The following WTIP variants were observed in gnomAD, a reference collection of about 807,000 sequenced individuals.
WTIP encodes the protein WT1 interacting protein, also known as Wilms tumor protein 1-interacting protein.
In WTIP, 23 loss-of-function variants were observed where a neutral mutation model predicts 41.7. The ratio of observed to expected loss-of-function variants is 0.55; its 90% CI spans 0.40 to 0.78. WTIP has a LOEUF of 0.78. WTIP is among the 30% of genes least tolerant of loss of function. The pLI, the probability that WTIP is intolerant of heterozygous loss-of-function variation, is 0.00. For missense variants in WTIP, 619 were observed against 610.5 expected, an observed-to-expected ratio of 1.01 and a Z score of -0.15; for synonymous variants, 314 against 269.9, an observed-to-expected ratio of 1.16 and a Z score of -1.60.
Position 34,482,363 on chromosome 19 carries a change from C to A in WTIP, c.389C>A (p.Pro130His). 1 of 1,383,168 alleles carries A rather than the reference C, an allele frequency of 7.2e-7. No individual in the cohort carries two copies. 85.7% of individuals were successfully genotyped at this position (1,383,168 alleles called of 1,614,324 possible). ...CGCTCCGGTCGCTCGGACCCGCGTC[C>A]CGGTCCCGGGCCGCCTTCGGTGGGC... is the stretch of plus-strand genomic sequence containing the variant. ...SPRSGRSDPR[P>H]GPGPPSVGSA... is the part of the protein sequence containing the mutation. The change falls in exon 1 of 8, where the codon CCC (proline) becomes CAC (histidine). Residue 130 changes from proline (P) to histidine (H), a missense_variant. Physicochemically the swap from Pro to His is moderately conservative, Grantham distance 77 (BLOSUM62 -2). Coordinates refer to ENST00000590071, the MANE Select transcript of WTIP (RefSeq NM_001080436.2).
rs897903527 is a variant in WTIP at position 34,511,295 on chromosome 19, G to A, written c.*11026G>A. 6.6e-6 allele frequency: 1 copy of A among 152,144 alleles called. No homozygotes were observed. The highest frequency in any genetic ancestry group is 1.5e-5 in the Non-Finnish European group (1 of 68,046). 9.4% of individuals were successfully genotyped at this position (152,144 alleles called of 1,614,324 possible). ...AAGCGGAAACCCTCGATAAAACCATGAGATCTCGTGAGACATATTCACTAC... is the reference window on the plus strand; with the variant it reads ...AAGCGGAAACCCTCGATAAAACCATAAGATCTCGTGAGACATATTCACTAC... On this transcript the variant is annotated 3_prime_UTR_variant, in exon 8 of 8. Transcript: ENST00000590071.
intron 1 of WTIP, among the ~76,000 whole-genome samples, chr19:34,487,844 A>T (rs2075805454): frequency 6.6e-6 from 1 of 152,128 alleles, no homozygotes; most frequent in African/African-American, 2.4e-5. Context: ...GCCCTGGGTG[A>T]CCCTGTAAAG....
chr19:34,491,811 A>AT (rs1241203503), intron 2 of WTIP, among the ~76,000 whole-genome samples: 2 of 151,216 alleles, frequency 1.3e-5, no homozygotes, highest in Non-Finnish European at 2.9e-5. Flanking sequence ...CGCCCGGCTA[A>AT]TTTTTTGTAT....
rs1290585752 is a variant in WTIP at position 34,493,217 on chromosome 19, G to A, written c.838-46G>A. The A allele has an allele frequency of 6.2e-7, 1 of 1,613,272 alleles. No individual in the cohort carries two copies. ...GAGGCAGGTGCTAGCTGGGCCGCGA[G>A]TGCCCCTTTGTCACACAATGTCCTG... is the stretch of plus-strand genomic sequence containing the variant. On this transcript the variant is annotated intron_variant, in intron 3 of 7. Coordinates refer to ENST00000590071, the MANE Select transcript of WTIP (RefSeq NM_001080436.2). This position sits in a 1 kb window ranked among gnomAD's most constrained non-coding sequence, Gnocchi z 4.1.
chr19:34,496,985 C>T (rs1450502260), intron 7 of WTIP, among the ~76,000 whole-genome samples: 1 of 152,174 alleles, frequency 6.6e-6, no homozygotes, highest in Non-Finnish European at 1.5e-5. Flanking sequence ...GCCTCAGCCT[C>T]CTGAGTAGCT....
At chr19:34,485,996 A>G (rs2075795254) in intron 1 of WTIP, among the ~76,000 whole-genome samples, 1 of 151,816 alleles carries the variant, frequency 6.6e-6, no homozygotes, top group East Asian at 1.9e-4. Context: ...TGTCTTTGGA[A>G]CTTTCCCCTC....
Position 34,500,444 on chromosome 19 carries a change from C to A in WTIP, c.*175C>A. On this transcript the variant is annotated 3_prime_UTR_variant, in exon 8 of 8. Transcript: ENST00000590071. Reference sequence around the variant, plus strand: ...TCTATTTATTCACCGTCTGTGCCTGCTCAAGTCACTTCCCTGCGGGCCCTG... The same window carrying A: ...TCTATTTATTCACCGTCTGTGCCTGATCAAGTCACTTCCCTGCGGGCCCTG... 1 of 920,426 alleles carries A rather than the reference C, an allele frequency of 1.1e-6. No homozygotes were observed. Among genetic ancestry groups the A allele is most frequent in the Non-Finnish European group, 1.5e-6 (1 of 649,150 alleles). The allele number at this position is 920,426 out of a possible 1,614,324, so 57.0% of individuals were successfully genotyped here. A position where few individuals can be genotyped will look rare whatever the true frequency, so the allele number is the denominator to read the frequency against.
At chr19:34,495,251 G>A (rs1164877860) in intron 6 of WTIP, among the ~76,000 whole-genome samples, 2 of 152,162 alleles carry the variant, frequency 1.3e-5, no homozygotes, top group Non-Finnish European at 2.9e-5. Flanking sequence ...TAAAAAATTA[G>A]CTGGGTGTGG....
chr19:34,493,742 C>CCCTTGG lies in WTIP; in HGVS notation c.1031+125_1031+126insGCCTTG. 7.3e-7 allele frequency: 1 copy of CCCTTGG among 1,372,880 alleles called. No individual in the cohort carries two copies. Among genetic ancestry groups the CCCTTGG allele is most frequent in the South Asian group, 1.3e-5 (1 of 76,772 alleles). The allele number at this position is 1,372,880 out of a possible 1,614,324, so 85.0% of individuals were successfully genotyped here. On this transcript the variant is annotated intron_variant, in intron 5 of 7. Transcript: ENST00000590071. This position sits in a 1 kb window ranked among gnomAD's most constrained non-coding sequence, Gnocchi z 4.1. ...TTCTTGGCCTTTTGCCTTCCGCCTC[C>CCCTTGG]CCTTGTACACCTGGGCTTGGGGCAG...
In WTIP at chr19:34,503,330, CTA is replaced by C. The variant is rs1568404606; in HGVS notation, c.*3063_*3064del. ...AGCCACTCTCCCGGGGTTTCTTCCT[CTA>C]TGAAGAAACCTTGGCCTCTATGAAG... On this transcript the variant is annotated 3_prime_UTR_variant, in exon 8 of 8. Transcript: ENST00000590071. 1 of 90,186 alleles carries C rather than the reference CTA, an allele frequency of 1.1e-5. No individual in the cohort carries two copies. Among genetic ancestry groups the C allele is most frequent in the South Asian group, 3.1e-4 (1 of 3,270 alleles). 5.6% of individuals were successfully genotyped at this position (90,186 alleles called of 1,614,324 possible).
Position 34,501,800 on chromosome 19 carries a change from C to T in WTIP, c.*1531C>T, listed in dbSNP as rs1393542522. ...AGGGAGCCTTAGCCAGGGACTTACACAGCGTGGAGAGCGCTGCATCTTAGA... is the reference window on the plus strand; with the variant it reads ...AGGGAGCCTTAGCCAGGGACTTACATAGCGTGGAGAGCGCTGCATCTTAGA... On this transcript the variant is annotated 3_prime_UTR_variant, in exon 8 of 8. Coordinates refer to ENST00000590071, the MANE Select transcript of WTIP (RefSeq NM_001080436.2). The T allele has an allele frequency of 6.6e-6, 1 of 152,510 alleles. No individual in the cohort carries two copies. The highest frequency in any genetic ancestry group is 1.5e-5 in the Non-Finnish European group (1 of 68,300). 9.4% of individuals were successfully genotyped at this position (152,510 alleles called of 1,614,324 possible). A position where few individuals can be genotyped will look rare whatever the true frequency, so the allele number is the denominator to read the frequency against.
chr19:34,503,188 G>C lies in WTIP; in HGVS notation c.*2919G>C, dbSNP rs569234436. 1 of 152,374 alleles carries C rather than the reference G, an allele frequency of 6.6e-6. No homozygotes were observed. Among genetic ancestry groups the C allele is most frequent in the Admixed American group, 6.5e-5 (1 of 15,306 alleles). 9.4% of individuals were successfully genotyped at this position (152,374 alleles called of 1,614,324 possible). A position where few individuals can be genotyped will look rare whatever the true frequency, so the allele number is the denominator to read the frequency against. On this transcript the variant is annotated 3_prime_UTR_variant, in exon 8 of 8. Coordinates refer to ENST00000590071, the MANE Select transcript of WTIP (RefSeq NM_001080436.2). ...GGCCCTTGGGGCAGTGGCCTCACCA[G>C]GCCACACTCTGCCCTTTCTTTCTGG...
chr19:34,482,358 G>A lies in WTIP; in HGVS notation c.384G>A (p.Pro128=). The stretch of plus-strand genomic sequence containing the variant: ...GCCCGCGCTCCGGTCGCTCGGACCC[G>A]CGTCCCGGTCCCGGGCCGCCTTCGG... The part of the protein sequence containing the change: ...HGSPRSGRSD[P]RPGPGPPSVG... The change falls in exon 1 of 8, where the codon CCG becomes CCA. Residue 128 remains proline (P), a synonymous_variant. Transcript: ENST00000590071. The A allele has an allele frequency of 7.2e-7, 1 of 1,383,372 alleles. No individual in the cohort carries two copies. Among genetic ancestry groups the A allele is most frequent in the African/African-American group, 1.5e-5 (1 of 65,676 alleles). The allele number at this position is 1,383,372 out of a possible 1,614,324, so 85.7% of individuals were successfully genotyped here. A position where few individuals can be genotyped will look rare whatever the true frequency, so the allele number is the denominator to read the frequency against.
At chr19:34,495,610 G>A (rs1321407589) in intron 6 of WTIP, 93 bp from the exon 7 acceptor site, 4 of 1,462,010 alleles carry the variant, frequency 2.7e-6, no homozygotes, top group Middle Eastern at 1.7e-4. Context: ...ACCTCCGCCG[G>A]GACAGGAGCG....
In WTIP at chr19:34,493,261, A is replaced by G. The variant is rs1313495974; in HGVS notation, c.838-2A>G. The G allele has an allele frequency of 1.9e-6, 3 of 1,613,472 alleles. No homozygotes were observed. Among genetic ancestry groups the G allele is most frequent in the Non-Finnish European group, 2.5e-6 (3 of 1,179,784 alleles). On this transcript the variant is annotated splice_acceptor_variant, in intron 3 of 7. Transcript: ENST00000590071. LOFTEE classifies it high-confidence loss of function. This position sits in a 1 kb window ranked among gnomAD's most constrained non-coding sequence, Gnocchi z 4.1. ...TGTCCTGGATCCTGTGTCCCCTCCCAGTACTCCGGGTTCCAGCAGACGGCC... is the reference window on the plus strand; with the variant it reads ...TGTCCTGGATCCTGTGTCCCCTCCCGGTACTCCGGGTTCCAGCAGACGGCC...
Position 34,500,587 on chromosome 19 carries a change from G to T in WTIP, c.*318G>T. The T allele has an allele frequency of 3.4e-6, 1 of 293,380 alleles. No homozygotes were observed. Among genetic ancestry groups the T allele is most frequent in the Non-Finnish European group, 6.3e-6 (1 of 158,656 alleles). 18.2% of individuals were successfully genotyped at this position (293,380 alleles called of 1,614,324 possible). A position where few individuals can be genotyped will look rare whatever the true frequency, so the allele number is the denominator to read the frequency against. ...CCCCTGCCTTGGCCAGGGGTGCGAG[G>T]TGACCCGGCTGCATTGCTGGGTGGG... is the stretch of plus-strand genomic sequence containing the variant. On this transcript the variant is annotated 3_prime_UTR_variant, in exon 8 of 8. Coordinates refer to ENST00000590071, the MANE Select transcript of WTIP (RefSeq NM_001080436.2).
intron 1 of WTIP, among the ~76,000 whole-genome samples, chr19:34,483,183 CTTTTTTTTTTTT>C (rs10611262): frequency 1.9e-5 from 2 of 102,602 alleles, no homozygotes; most frequent in African/African-American, 7.1e-5. Context: ...CTTCTTCTTA[CTTTTTTTTTTTT>C]TTTTTTTTTG....
intron 1 of WTIP, among the ~76,000 whole-genome samples, chr19:34,489,819 A>G (rs775521757): frequency 6.6e-6 from 1 of 152,178 alleles, no homozygotes; most frequent in Non-Finnish European, 1.5e-5. Context: ...CAGAAGTCCT[A>G]GCTACTTGGG....
At position 34,500,134 on chromosome 19, in the gene WTIP, C is replaced by T. The variant is rs780001532; in HGVS notation, c.1158C>T (p.Cys386=). 3.8e-6 allele frequency: 6 copies of T among 1,599,506 alleles called. 1 individual carries two copies. Among genetic ancestry groups the T allele is most frequent in the South Asian group, 3.3e-5 (3 of 90,920 alleles). Residue 386 remains cysteine, a synonymous_variant, in exon 8 of 8, where the codon TGC becomes TGT. Transcript: ENST00000590071. ...GGGGCTGTGTTCTTCCCTAGGACTGCGGGCTGCAGCTGAGCGGGGAGGAGG... is the reference window on the plus strand; with the variant it reads ...GGGGCTGTGTTCTTCCCTAGGACTGTGGGCTGCAGCTGAGCGGGGAGGAGG... ...YHVACYHCED[C]GLQLSGEEGR... is the part of the protein sequence containing the mutation.
Sources: gnomAD v4.1 joint callset for allele counts (sites outside exome capture counted in the v4.1 genomes callset) on GRCh38, gnomAD v4.1.1 for gene constraint, Gnocchi (gnomAD v3.1) non-coding constraint, MANE v1.5 for transcripts, NCBI Gene and HGNC (gene_info 2026-07-23, HGNC 2026-07-21) for gene names.